RIT2: variants seen among roughly 807,000 people sequenced by gnomAD.
RIT2 encodes GTP-binding protein Rit2.
Under a neutral mutation model 23.7 loss-of-function variants are expected in RIT2, and 24 were observed. The ratio of observed to expected loss-of-function variants is 1.01; its 90% CI spans 0.73 to 1.43. The LOEUF is 1.43. Among genes scored for constraint, RIT2 ranks in the 40% most tolerant of loss-of-function variants. RIT2 has a pLI of 0.00. For missense variants in RIT2, 236 were observed against 266.9 expected, an observed-to-expected ratio of 0.88 and a Z score of 0.81; for synonymous variants, 107 against 91.1, an observed-to-expected ratio of 1.17 and a Z score of -0.99.
intron 4 of RIT2, among the ~76,000 whole-genome samples, chr18:42,774,839 G>C (rs953167927): frequency 2.0e-5 from 3 of 151,824 alleles, no homozygotes; most frequent in African/African-American, 7.3e-5. Context: ...CCTTTAATAG[G>C]TAGTGATGGA....
intron 4 of RIT2, among the ~76,000 whole-genome samples, chr18:42,752,909 A>G (rs1913079949): frequency 6.6e-6 from 1 of 152,204 alleles, no homozygotes; most frequent in South Asian, 2.1e-4. Context: ...AATGGCAGAA[A>G]AGAAGGAATA....
At chr18:42,815,799 A>T (rs1002351401) in intron 4 of RIT2, among the ~76,000 whole-genome samples, 5 of 152,136 alleles carry the variant, frequency 3.3e-5, no homozygotes, top group African/African-American at 1.2e-4. Context: ...AACAATACAA[A>T]TCACTCAAAA....
chr18:43,100,272 CA>C (rs1437106041), intron 1 of RIT2, among the ~76,000 whole-genome samples: 2 of 152,004 alleles, frequency 1.3e-5, no homozygotes, highest in African/African-American at 2.4e-5. Flanking sequence ...AAAAGTATCC[CA>C]GGCAGAGGAA....
At chr18:43,064,069 C>T (rs1356897089) in intron 1 of RIT2, among the ~76,000 whole-genome samples, 2 of 152,158 alleles carry the variant, frequency 1.3e-5, no homozygotes, top group African/African-American at 2.4e-5. Context: ...AACAAGATTT[C>T]ATGGCTTCCT....
chr18:42,872,143 C>A (rs1034416069), intron 4 of RIT2, among the ~76,000 whole-genome samples: 2 of 152,072 alleles, frequency 1.3e-5, no homozygotes, highest in Non-Finnish European at 2.9e-5. Flanking sequence ...GATTTTTGGA[C>A]TTTTTTCTTT....
chr18:43,067,707 T>C (rs1278832946), intron 1 of RIT2, among the ~76,000 whole-genome samples: 1 of 152,086 alleles, frequency 6.6e-6, no homozygotes, highest in Non-Finnish European at 1.5e-5. Context: ...GAGAATAGAT[T>C]GTAAATGTTC....
chr18:42,812,407 A>T (rs1279931415), intron 4 of RIT2, among the ~76,000 whole-genome samples: 1 of 152,154 alleles, frequency 6.6e-6, no homozygotes, highest in African/African-American at 2.4e-5. Context: ...TGTTGTTTTA[A>T]GTCCTTTAAA....
At chr18:42,809,560 G>A (rs1905778813) in intron 4 of RIT2, among the ~76,000 whole-genome samples, 1 of 151,872 alleles carries the variant, frequency 6.6e-6, no homozygotes, top group South Asian at 2.1e-4. Flanking sequence ...AGGCTACTTT[G>A]TAGAACTGAT....
intron 4 of RIT2, among the ~76,000 whole-genome samples, chr18:42,840,977 T>G (rs1291892125): frequency 6.6e-6 from 1 of 152,192 alleles, no homozygotes; most frequent in Non-Finnish European, 1.5e-5. Flanking sequence ...GACTGGCATT[T>G]CCACAGTGGA....
intron 4 of RIT2, among the ~76,000 whole-genome samples, chr18:42,913,520 C>A: frequency 6.6e-6 from 1 of 151,588 alleles, no homozygotes; most frequent in African/African-American, 2.4e-5. Context: ...ACTCTCATAA[C>A]TTAAACTTAA....
At chr18:43,076,735 T>C (rs1913027676) in intron 1 of RIT2, among the ~76,000 whole-genome samples, 1 of 152,136 alleles carries the variant, frequency 6.6e-6, no homozygotes, top group Non-Finnish European at 1.5e-5. Flanking sequence ...TGATACCAGA[T>C]GATCTAGACA....
intron 4 of RIT2, among the ~76,000 whole-genome samples, chr18:42,810,728 G>C (rs1380371668): frequency 6.6e-6 from 1 of 151,888 alleles, no homozygotes; most frequent in East Asian, 1.9e-4. Flanking sequence ...AGGAGAATAG[G>C]TGCTAAATTT....
chr18:42,953,614 T>C (rs1040135272), intron 3 of RIT2, among the ~76,000 whole-genome samples: 1 of 152,194 alleles, frequency 6.6e-6, no homozygotes, highest in Non-Finnish European at 1.5e-5. Context: ...CATTTATTTC[T>C]TATGAAATCA....
chr18:43,102,091 G>C (rs537435407), intron 1 of RIT2, among the ~76,000 whole-genome samples: 75 of 152,288 alleles, frequency 4.9e-4, no homozygotes, highest in African/African-American at 1.8e-3. Context: ...TGACATCAGG[G>C]AGAAGTGATG....
intron 1 of RIT2, among the ~76,000 whole-genome samples, chr18:43,108,741 TA>T (rs1913886728): frequency 6.6e-6 from 1 of 152,220 alleles, no homozygotes; most frequent in Non-Finnish European, 1.5e-5. Context: ...TTTACTCTTT[TA>T]CTGAGCCTTA....
At chr18:42,992,939 G>T (rs1266792127) in intron 2 of RIT2, among the ~76,000 whole-genome samples, 5 of 152,046 alleles carry the variant, frequency 3.3e-5, no homozygotes, top group African/African-American at 9.7e-5. Context: ...ATGAAATAAA[G>T]CTCCAAAAAT....
At chr18:42,998,790 T>C (rs1273948860) in intron 2 of RIT2, among the ~76,000 whole-genome samples, 1 of 152,112 alleles carries the variant, frequency 6.6e-6, no homozygotes, top group Non-Finnish European at 1.5e-5. Flanking sequence ...CAGTCTGCAA[T>C]GGTGTCTGCA....
At chr18:43,074,924 G>A (rs1427816830) in intron 1 of RIT2, among the ~76,000 whole-genome samples, 2 of 152,096 alleles carry the variant, frequency 1.3e-5, no homozygotes, top group Admixed American at 6.5e-5. Context: ...GAGAGCATCG[G>A]GAAAAATAGC....
chr18:42,861,379 GAGC>G (rs1296920452), intron 4 of RIT2, among the ~76,000 whole-genome samples: 2 of 152,156 alleles, frequency 1.3e-5, no homozygotes, highest in East Asian at 1.9e-4. Context: ...TGACTGATTT[GAGC>G]AGCAGCAGCA....
Sources: allele counts gnomAD v4.1 joint callset (sites outside exome capture counted in the v4.1 genomes callset), GRCh38; gene constraint gnomAD v4.1.1; transcripts MANE v1.5; gene names NCBI Gene and HGNC (gene_info 2026-07-23, HGNC 2026-07-21).